Variants in ARPP21 observed in about 807,000 individuals in gnomAD.
ARPP21 encodes the protein cAMP-regulated phosphoprotein 21.
ARPP21 carries 69 observed loss-of-function variants against 113.2 expected under a neutral mutation model. The ratio of observed to expected loss-of-function variants is 0.61; its 90% CI spans 0.50 to 0.74. ARPP21 has a LOEUF of 0.74. Among genes scored for constraint, ARPP21 ranks in the 30% least tolerant of loss-of-function variants. ARPP21 has a pLI of 0.00. For missense variants in ARPP21, 1,070 were observed against 1,037.4 expected (o/e 1.03, Z -0.43); for synonymous variants, 368 against 375.5 (o/e 0.98, Z 0.23).
chr3:35,670,432 T>C (rs2149312269), intron 1 of ARPP21, among the ~76,000 whole-genome samples: 1 of 152,216 alleles, frequency 6.6e-6, no homozygotes. Context: ...GCAGGGGATA[T>C]GAGGAGGTTG....
chr3:35,678,580 A>G, intron 1 of ARPP21, among the ~76,000 whole-genome samples: 1 of 151,974 alleles, frequency 6.6e-6, no homozygotes, highest in Non-Finnish European at 1.5e-5. Context: ...CATAGTTTAA[A>G]GTCTAATCAT....
chr3:35,785,289 T>G (rs566405450), intron 19 of ARPP21: 2 of 152,286 alleles, frequency 1.3e-5, no homozygotes, highest in East Asian at 3.9e-4. Context: ...CGTTTGTGAG[T>G]CTTTCATGCG....
intron 19 of ARPP21, among the ~76,000 whole-genome samples, chr3:35,762,733 C>T (rs558050051): frequency 2.6e-5 from 4 of 152,116 alleles, no homozygotes; most frequent in African/African-American, 7.2e-5. Context: ...GGTTCTAAGA[C>T]GATGGTTCCA....
chr3:35,704,060 C>T (rs1027048772), intron 9 of ARPP21, among the ~76,000 whole-genome samples: 5 of 151,708 alleles, frequency 3.3e-5, no homozygotes, highest in Non-Finnish European at 1.5e-5. Flanking sequence ...ATAAAATCAA[C>T]CTAGAAAAAT....
At chr3:35,672,072 G>A (rs544538729) in intron 1 of ARPP21, among the ~76,000 whole-genome samples, 26 of 152,158 alleles carry the variant, frequency 1.7e-4, no homozygotes, top group Admixed American at 7.2e-4. Flanking sequence ...CTTTCAAGAA[G>A]ACATTGAGAA....
At chr3:35,705,574 T>C (rs528033232) in intron 9 of ARPP21, among the ~76,000 whole-genome samples, 1 of 152,270 alleles carries the variant, frequency 6.6e-6, no homozygotes, top group African/African-American at 2.4e-5. Context: ...GTGTACAATA[T>C]AGAGGAACAA....
Position 35,687,724 on chromosome 3 carries a change from T to C in ARPP21, c.262-15T>C. 1.3e-6 allele frequency: 2 copies of C among 1,594,222 alleles called. No individual in the cohort carries two copies. Among genetic ancestry groups the C allele is most frequent in the Non-Finnish European group, 1.7e-6 (2 of 1,172,460 alleles). ...TTAAACCTGGCCCTAAATTATTATATTTTTTCCCCAACAGGAATCAATTCA... is the reference window on the plus strand; with the variant it reads ...TTAAACCTGGCCCTAAATTATTATACTTTTTCCCCAACAGGAATCAATTCA... On this transcript the variant is annotated splice_polypyrimidine_tract_variant and intron_variant, in intron 5 of 20. Transcript: ENST00000684406.
intron 1 of ARPP21, among the ~76,000 whole-genome samples, 169 bp downstream of exon 1, chr3:35,640,567 T>C (rs1373787060): frequency 6.6e-6 from 1 of 152,194 alleles, no homozygotes; most frequent in Non-Finnish European, 1.5e-5. Flanking sequence ...ATTGTGTTTT[T>C]TATGTTTCGT....
chr3:35,709,708 A>T (rs2090425822), intron 11 of ARPP21, among the ~76,000 whole-genome samples: 2 of 152,206 alleles, frequency 1.3e-5, no homozygotes, highest in Non-Finnish European at 2.9e-5. Context: ...TAAAAGGTAA[A>T]AAAAAGTAGA....
At chr3:35,709,552 AT>A (rs1270689158) in intron 11 of ARPP21, among the ~76,000 whole-genome samples, 1 of 152,172 alleles carries the variant, frequency 6.6e-6, no homozygotes, top group Non-Finnish European at 1.5e-5. Flanking sequence ...CTAAATTTAG[AT>A]TATTTTTCTC....
intron 1 of ARPP21, chr3:35,641,014 A>T (rs1287151129): frequency 6.6e-6 from 1 of 152,194 alleles, no homozygotes; most frequent in Non-Finnish European, 1.5e-5. Flanking sequence ...GCTGTCAGCT[A>T]TTCAGGTTTG....
intron 15 of ARPP21, among the ~76,000 whole-genome samples, chr3:35,735,655 G>A (rs1196960843): frequency 6.6e-6 from 1 of 152,172 alleles, no homozygotes; most frequent in Non-Finnish European, 1.5e-5. Context: ...CCAAGATAAG[G>A]AGGACTTTCC....
intron 11 of ARPP21, among the ~76,000 whole-genome samples, chr3:35,712,575 T>A (rs1052722235): frequency 5.4e-5 from 8 of 148,586 alleles, no homozygotes; most frequent in Non-Finnish European, 7.5e-5. Flanking sequence ...AGAGAGAGAG[T>A]GTGTGTGTGT....
intron 19 of ARPP21, among the ~76,000 whole-genome samples, chr3:35,759,342 T>A (rs1348476266): frequency 6.6e-6 from 1 of 152,090 alleles, no homozygotes; most frequent in Non-Finnish European, 1.5e-5. Flanking sequence ...ATACAGTTTG[T>A]CCCTCTTTCC....
intron 1 of ARPP21, among the ~76,000 whole-genome samples, chr3:35,668,005 GAAGAAGA>G (rs2075213254): frequency 3.3e-5 from 5 of 150,298 alleles, no homozygotes; most frequent in Non-Finnish European, 7.4e-5. Flanking sequence ...AGAAGAAGAA[GAAGAAGA>G]AGAAGAAGAA....
chr3:35,731,608 T>TTATATA (rs2093978432), intron 15 of ARPP21, among the ~76,000 whole-genome samples: 3 of 152,054 alleles, frequency 2.0e-5, no homozygotes, highest in Admixed American at 2.0e-4. Context: ...CATATATGCA[T>TTATATA]TATATATAAT....
intron 4 of ARPP21, among the ~76,000 whole-genome samples, chr3:35,683,328 T>C (rs1436830631): frequency 2.0e-5 from 3 of 151,696 alleles, no homozygotes; most frequent in African/African-American, 7.3e-5. Context: ...GATACTACTG[T>C]TTAGTACACA....
chr3:35,718,897 G>A (rs1437856486), intron 13 of ARPP21, among the ~76,000 whole-genome samples: 1 of 125,616 alleles, frequency 8.0e-6, no homozygotes, highest in Non-Finnish European at 1.6e-5. Flanking sequence ...TCCAGTAGGA[G>A]AGTAACCTGT....
At chr3:35,665,037 C>T (rs1049842529) in intron 1 of ARPP21, among the ~76,000 whole-genome samples, 4 of 152,166 alleles carry the variant, frequency 2.6e-5, no homozygotes, top group Non-Finnish European at 5.9e-5. Context: ...AAACTTTTCG[C>T]TCCTTTGGAG....
Sources: gnomAD v4.1 joint callset for allele counts (sites outside exome capture counted in the v4.1 genomes callset) on GRCh38, gnomAD v4.1.1 for gene constraint, MANE v1.5 for transcripts, NCBI Gene and HGNC (gene_info 2026-07-23, HGNC 2026-07-21) for gene names.